STAG1: variants seen among roughly 807,000 people sequenced by gnomAD.
The protein encoded by STAG1 is cohesin subunit SA-1.
In STAG1, 26 loss-of-function variants were observed where a neutral mutation model predicts 170.9. That is an observed-to-expected ratio of 0.15 (90% CI 0.11 to 0.21). The LOEUF is 0.21. Ranked by LOEUF, STAG1 falls within the 10% of genes least tolerant of loss-of-function variation. The pLI is 1.00. For synonymous variants in STAG1, 514 were observed against 497.7 expected, an observed-to-expected ratio of 1.03 and a Z score of -0.44; for missense variants, 964 against 1,509.5, an observed-to-expected ratio of 0.64 and a Z score of 5.99.
intron 25 of STAG1, among the ~76,000 whole-genome samples, chr3:136,363,713 C>G (rs1435980084): frequency 6.6e-6 from 1 of 152,064 alleles, no homozygotes; most frequent in Non-Finnish European, 1.5e-5. Context: ...CTAGTAAAAC[C>G]AAAAAAGCTG....
intron 1 of STAG1, among the ~76,000 whole-genome samples, chr3:136,740,542 G>A (rs1036142359): frequency 2.0e-5 from 3 of 152,198 alleles, no homozygotes; most frequent in Non-Finnish European, 4.4e-5. Flanking sequence ...GTGTAGTGGC[G>A]CAATCTCAGC....
intron 9 of STAG1, among the ~76,000 whole-genome samples, chr3:136,478,856 C>G (rs1420650920): frequency 6.6e-6 from 1 of 152,094 alleles, no homozygotes; most frequent in Non-Finnish European, 1.5e-5. Context: ...ATCCTGAGTT[C>G]AAATCCTGGT....
chr3:136,740,022 T>C (rs1042219689), intron 1 of STAG1, among the ~76,000 whole-genome samples: 1 of 152,202 alleles, frequency 6.6e-6, no homozygotes, highest in East Asian at 1.9e-4. Flanking sequence ...CATCTTACTC[T>C]GCGTTTGCTT....
intron 1 of STAG1, among the ~76,000 whole-genome samples, chr3:136,702,893 C>T (rs1321596675): frequency 1.3e-5 from 2 of 151,712 alleles, no homozygotes; most frequent in Non-Finnish European, 2.9e-5. Context: ...CATGGTGAAA[C>T]CCCGTCTCTA....
At chr3:136,720,859 C>T (rs992669609) in intron 1 of STAG1, among the ~76,000 whole-genome samples, 20 of 152,050 alleles carry the variant, frequency 1.3e-4, no homozygotes, top group Non-Finnish European at 2.6e-4. Context: ...AGAACTACCA[C>T]TTATATTCAT....
chr3:136,537,526 A>T, intron 6 of STAG1, among the ~76,000 whole-genome samples: 1 of 145,490 alleles, frequency 6.9e-6, no homozygotes, highest in Non-Finnish European at 1.5e-5. Flanking sequence ...TTTGAGGTGA[A>T]GTCTCACTCC....
chr3:136,537,751 C>T (rs1357851270), intron 6 of STAG1, among the ~76,000 whole-genome samples: 1 of 152,068 alleles, frequency 6.6e-6, no homozygotes, highest in Non-Finnish European at 1.5e-5. Flanking sequence ...CCACTTCAGA[C>T]TCTCAAAGTG....
intron 8 of STAG1, among the ~76,000 whole-genome samples, chr3:136,501,432 A>G (rs561672425): frequency 6.6e-5 from 10 of 152,194 alleles, no homozygotes; most frequent in African/African-American, 9.7e-5. Flanking sequence ...CCCTAATCCA[A>G]TATGACTGAT....
chr3:136,741,369 T>G (rs188576897), intron 1 of STAG1, among the ~76,000 whole-genome samples: 2 of 152,366 alleles, frequency 1.3e-5, no homozygotes, highest in African/African-American at 2.4e-5. Context: ...TGTCAGCCTA[T>G]AAATAGGGTA....
chr3:136,711,124 CA>C (rs1241161086), intron 1 of STAG1, among the ~76,000 whole-genome samples: 1 of 151,464 alleles, frequency 6.6e-6, no homozygotes, highest in Non-Finnish European at 1.5e-5. Context: ...ATAAATCTAA[CA>C]AAAGATATGC....
At position 136,486,976 on chromosome 3, in the gene STAG1, A is replaced by G. The variant is rs895822431; in HGVS notation, c.903-9564T>C. ...TCAGAACACAGGTTCTCTGTATGCAATGCCGATTTTTTTTTATTTCTTCAA... is the reference window on the plus strand; with the variant it reads ...TCAGAACACAGGTTCTCTGTATGCAGTGCCGATTTTTTTTTATTTCTTCAA... On this transcript the variant is annotated intron_variant, in intron 9 of 33. Coordinates refer to ENST00000383202, the MANE Select transcript of STAG1 (RefSeq NM_005862.3). 3.7e-5 allele frequency among the ~76,000 whole-genome samples: 5 copies of G among 134,308 alleles called. No individual in the cohort carries two copies. In the Admixed American group the frequency reaches 4.5e-4, roughly 12 times the overall value. The allele number at this position is 134,308 out of a possible 152,430, so 88.1% of individuals were successfully genotyped here. A position where few individuals can be genotyped will look rare whatever the true frequency, so the allele number is the denominator to read the frequency against.
At chr3:136,613,021 G>C (rs1939381637) in intron 3 of STAG1, among the ~76,000 whole-genome samples, 1 of 152,062 alleles carries the variant, frequency 6.6e-6, no homozygotes, top group African/African-American at 2.4e-5. Flanking sequence ...AGAGTTTCTG[G>C]GCCGGGCGCA....
intron 3 of STAG1, among the ~76,000 whole-genome samples, chr3:136,617,244 C>G (rs1341511877): frequency 6.6e-6 from 1 of 152,200 alleles, no homozygotes; most frequent in Non-Finnish European, 1.5e-5. Flanking sequence ...GTCCCTCATA[C>G]TATTCCAAGT....
chr3:136,487,213 A>G (rs972445631), intron 9 of STAG1, among the ~76,000 whole-genome samples: 51 of 151,988 alleles, frequency 3.4e-4, no homozygotes, highest in African/African-American at 1.1e-3. Flanking sequence ...TCCACTTATG[A>G]GTGAAAATAT....
At chr3:136,629,678 G>T (rs1940249741) in intron 2 of STAG1, among the ~76,000 whole-genome samples, 1 of 151,982 alleles carries the variant, frequency 6.6e-6, no homozygotes, top group African/African-American at 2.4e-5. Context: ...AAAAAAAGAA[G>T]GCCAAGAGAT....
chr3:136,661,226 A>G (rs1366120448), intron 1 of STAG1, among the ~76,000 whole-genome samples: 4 of 152,182 alleles, frequency 2.6e-5, no homozygotes, highest in Non-Finnish European at 4.4e-5. Context: ...TGTGTCCTAA[A>G]TATTATTCCA....
intron 1 of STAG1, among the ~76,000 whole-genome samples, chr3:136,678,683 C>T (rs1181199507): frequency 6.6e-6 from 1 of 151,434 alleles, no homozygotes. Context: ...GCTTTTAACA[C>T]ACACTGAGCT....
At chr3:136,525,312 G>A (rs1934950190) in intron 6 of STAG1, among the ~76,000 whole-genome samples, 1 of 152,074 alleles carries the variant, frequency 6.6e-6, no homozygotes, top group African/African-American at 2.4e-5. Flanking sequence ...CTTCTTCCTG[G>A]TTTAGTCTTG....
At chr3:136,502,602 A>G (rs1933543669) in intron 8 of STAG1, 26 bp downstream of exon 8, 1 of 1,607,382 alleles carries the variant, frequency 6.2e-7, no homozygotes. Flanking sequence ...ACAGAACATA[A>G]AATCATCAGT....
Sources: allele counts gnomAD v4.1 joint callset (sites outside exome capture counted in the v4.1 genomes callset), GRCh38; gene constraint gnomAD v4.1.1; transcripts MANE v1.5; gene names NCBI Gene and HGNC (gene_info 2026-07-23, HGNC 2026-07-21).